DOCK3: variants seen among roughly 807,000 people sequenced by gnomAD.
DOCK3 encodes dedicator of cytokinesis 3, also known as dedicator of cytokinesis protein 3.
DOCK3 carries 60 observed loss-of-function variants against 265.6 expected under a neutral mutation model. The ratio of observed to expected loss-of-function variants is 0.23; its 90% confidence interval spans 0.18 to 0.28. The LOEUF is 0.28. DOCK3 is among the 10% of genes least tolerant of loss of function. DOCK3 has a pLI of 1.00. For missense variants in DOCK3, 1,981 were observed against 2,594.3 expected (o/e 0.76, Z 5.14); for synonymous variants, 881 against 938.0 (o/e 0.94, Z 1.11).
intron 22 of DOCK3, among the ~76,000 whole-genome samples, chr3:51,251,332 T>G (rs2079221127): frequency 6.6e-6 from 1 of 152,224 alleles, no homozygotes; most frequent in African/African-American, 2.4e-5. Flanking sequence ...TAAACATACA[T>G]GTGCATGTGT....
intron 9 of DOCK3, among the ~76,000 whole-genome samples, chr3:51,116,087 A>G (rs752007910): frequency 4.6e-5 from 7 of 152,146 alleles, no homozygotes; most frequent in Non-Finnish European, 4.4e-5. Context: ...TGATGCCTCC[A>G]TCTTTGTTCT....
Position 51,360,639 on chromosome 3 carries a change from C to T in DOCK3, c.5006+7C>T. On this transcript the variant is annotated splice_region_variant and intron_variant, in intron 47 of 52. Coordinates refer to ENST00000266037, the MANE Select transcript of DOCK3 (RefSeq NM_004947.5). Reference sequence around the variant, plus strand: ...AGATGACCCACCGGCACAGGTATGGCCTTAGGGCTGGGGAGGGTTCCCTCT... The same window carrying T: ...AGATGACCCACCGGCACAGGTATGGTCTTAGGGCTGGGGAGGGTTCCCTCT... 6.2e-7 allele frequency: 1 copy of T among 1,613,708 alleles called. No homozygotes were observed. Among genetic ancestry groups the T allele is most frequent in the Non-Finnish European group, 8.5e-7 (1 of 1,179,792 alleles).
intron 5 of DOCK3, among the ~76,000 whole-genome samples, chr3:50,999,424 T>A (rs1415253878): frequency 6.6e-6 from 1 of 152,194 alleles, no homozygotes; most frequent in African/African-American, 2.4e-5. Context: ...ACTCAAATAC[T>A]TATATTGGGG....
In DOCK3 at chr3:51,379,367, T is replaced by C. The variant is rs986697842; in HGVS notation, c.5501-758T>C. ...TGTGTGCTGGATACGTGGTGCACAC[T>C]GGAGAAGCCACAAGCTGTACTTCTC... On this transcript the variant is annotated intron_variant, in intron 51 of 52. Transcript: ENST00000266037. 9.1e-6 allele frequency: 9 copies of C among 983,642 alleles called. No individual in the cohort carries two copies. In the African/African-American group the frequency reaches 1.6e-4, roughly 17 times the overall value. The allele number at this position is 983,642 out of a possible 1,614,324, so 60.9% of individuals were successfully genotyped here.
chr3:51,292,380 A>C (rs1488744158), intron 27 of DOCK3, among the ~76,000 whole-genome samples: 3 of 152,214 alleles, frequency 2.0e-5, no homozygotes, highest in Non-Finnish European at 4.4e-5. Context: ...TACAAAAAAA[A>C]CCTGTTAGAA....
At chr3:51,250,745 G>A (rs1191430532) in intron 22 of DOCK3, among the ~76,000 whole-genome samples, 1 of 152,208 alleles carries the variant, frequency 6.6e-6, no homozygotes, top group Non-Finnish European at 1.5e-5. Flanking sequence ...TCTCTGAGGA[G>A]GTGATCTCTG....
intron 3 of DOCK3, among the ~76,000 whole-genome samples, chr3:50,841,982 A>G (rs1446204020): frequency 2.0e-5 from 3 of 152,100 alleles, no homozygotes; most frequent in African/African-American, 4.8e-5. Context: ...TCTTTAAGGT[A>G]TTTGACAAAA....
chr3:50,797,162 G>A (rs1337309249), intron 2 of DOCK3, among the ~76,000 whole-genome samples: 1 of 152,160 alleles, frequency 6.6e-6, no homozygotes, highest in Non-Finnish European at 1.5e-5. Context: ...CTTTGTGCAG[G>A]CATTCACCAC....
intron 27 of DOCK3, among the ~76,000 whole-genome samples, chr3:51,287,595 A>G (rs2081478429): frequency 6.6e-6 from 1 of 152,130 alleles, no homozygotes; most frequent in African/African-American, 2.4e-5. Context: ...AAGTCTCAAA[A>G]TAGTAAAAAT....
intron 1 of DOCK3, among the ~76,000 whole-genome samples, chr3:50,702,685 G>A (rs986389830): frequency 4.6e-5 from 7 of 151,482 alleles, no homozygotes; most frequent in Non-Finnish European, 7.4e-5. Context: ...TTGTATGTTC[G>A]TTTTGTATCC....
intron 5 of DOCK3, among the ~76,000 whole-genome samples, chr3:50,945,796 C>T (rs1559847818): frequency 1.3e-5 from 2 of 152,048 alleles, no homozygotes; most frequent in Admixed American, 6.6e-5. Context: ...TGGCTAAGTG[C>T]ACAGGCTTTG....
rs757704171 is a variant in DOCK3, at chr3:51,330,233, T to C, written c.3488+10T>C. The C allele has an allele frequency of 1.3e-6, 2 of 1,583,800 alleles. No individual in the cohort carries two copies. The highest frequency in any genetic ancestry group is 4.6e-5 in the East Asian group (2 of 43,488). On this transcript the variant is annotated intron_variant, in intron 33 of 52. Coordinates refer to ENST00000266037, the MANE Select transcript of DOCK3 (RefSeq NM_004947.5). ...AGCTCTTCAGCCTACTGTAAGCTGC[T>C]CCAGCCCCAGGCACACCACACTGGG...
intron 9 of DOCK3, among the ~76,000 whole-genome samples, chr3:51,126,602 C>T (rs565556863): frequency 6.6e-6 from 1 of 152,250 alleles, no homozygotes; most frequent in South Asian, 2.1e-4. Context: ...TTGTGCTGTC[C>T]TGTCATCAGA....
intron 1 of DOCK3, among the ~76,000 whole-genome samples, chr3:50,774,074 C>T (rs1354834181): frequency 3.9e-5 from 6 of 151,980 alleles, no homozygotes; most frequent in African/African-American, 4.8e-5. Context: ...GTTTGGATGT[C>T]TTCAGCAGAG....
chr3:50,695,014 CAATT>C (rs1179856133), intron 1 of DOCK3, among the ~76,000 whole-genome samples: 1 of 152,118 alleles, frequency 6.6e-6, no homozygotes, highest in Non-Finnish European at 1.5e-5. Flanking sequence ...TGTTTTAAAT[CAATT>C]AGTCACTTAA....
At chr3:51,202,825 C>A (rs919943965) in intron 12 of DOCK3, among the ~76,000 whole-genome samples, 14 of 151,212 alleles carry the variant, frequency 9.3e-5, no homozygotes, top group African/African-American at 3.2e-4. Context: ...CCACCATGAT[C>A]AAGTGGGCTT....
chr3:51,041,069 A>G (rs1200330389), intron 5 of DOCK3, among the ~76,000 whole-genome samples: 1 of 149,876 alleles, frequency 6.7e-6, no homozygotes, highest in African/African-American at 2.5e-5. Context: ...AATGGCCTCT[A>G]GAATAGTGAA....
At chr3:51,119,334 G>A (rs1350749902) in intron 9 of DOCK3, among the ~76,000 whole-genome samples, 3 of 152,178 alleles carry the variant, frequency 2.0e-5, no homozygotes, top group Non-Finnish European at 2.9e-5. Context: ...AGAGAGATCT[G>A]CTGTTAGTCT....
At chr3:51,171,157 T>G (rs1381497966) in intron 12 of DOCK3, among the ~76,000 whole-genome samples, 1 of 152,196 alleles carries the variant, frequency 6.6e-6, no homozygotes, top group African/African-American at 2.4e-5. Flanking sequence ...ATCTTTTTTC[T>G]GCAGGTAGGC....
Sources: gnomAD v4.1 joint callset for allele counts (sites outside exome capture counted in the v4.1 genomes callset) on GRCh38, gnomAD v4.1.1 for gene constraint, MANE v1.5 for transcripts, NCBI Gene and HGNC (gene_info 2026-07-23, HGNC 2026-07-21) for gene names.